Variants in PLCXD3 observed in about 807,000 individuals in gnomAD.
PLCXD3 encodes phosphatidylinositol specific phospholipase C X domain containing 3.
Under a neutral mutation model 25.5 loss-of-function variants are expected in PLCXD3, and 19 were observed. The ratio of observed to expected loss-of-function variants is 0.75; its 90% CI spans 0.52 to 1.09. PLCXD3 has a LOEUF of 1.09. PLCXD3 is among the 50% of genes least tolerant of loss of function. PLCXD3 has a pLI of 0.00. For synonymous variants in PLCXD3, 174 were observed against 137.6 expected, an observed-to-expected ratio of 1.26 and a Z score of -1.85; for missense variants, 411 against 388.1, an observed-to-expected ratio of 1.06 and a Z score of -0.50.
At chr5:41,392,206 C>T (rs942479937) in intron 1 of PLCXD3, among the ~76,000 whole-genome samples, 1 of 152,186 alleles carries the variant, frequency 6.6e-6, no homozygotes. Flanking sequence ...ATTGAGTGAA[C>T]ATAGCCAAGG....
chr5:41,333,489 G>C (rs1460467470), intron 2 of PLCXD3, among the ~76,000 whole-genome samples: 1 of 151,984 alleles, frequency 6.6e-6, no homozygotes, highest in East Asian at 1.9e-4. Flanking sequence ...AATGGTGAGG[G>C]GTTCAAAATA....
intron 1 of PLCXD3, among the ~76,000 whole-genome samples, chr5:41,391,793 A>G (rs1461417318): frequency 6.6e-6 from 1 of 152,126 alleles, no homozygotes; most frequent in Non-Finnish European, 1.5e-5. Context: ...GCATTTATGG[A>G]CATGCCCTGG....
intron 1 of PLCXD3, among the ~76,000 whole-genome samples, chr5:41,396,151 G>T (rs1172488743): frequency 1.3e-5 from 2 of 152,116 alleles, no homozygotes; most frequent in Admixed American, 6.6e-5. Context: ...AAATGGTTTG[G>T]CTGTGTCCCC....
chr5:41,403,416 T>TTTGTTTTTGTTTTTG (rs59150091), intron 1 of PLCXD3, among the ~76,000 whole-genome samples: 1 of 47,542 alleles, frequency 2.1e-5, no homozygotes, highest in Non-Finnish European at 4.8e-5. Flanking sequence ...TTTTTTTTTT[T>TTTGTTTTTGTTTTTG]ATTATACTCT....
chr5:41,364,732 C>G (rs968494045), intron 2 of PLCXD3, among the ~76,000 whole-genome samples: 1 of 152,158 alleles, frequency 6.6e-6, no homozygotes, highest in Non-Finnish European at 1.5e-5. Context: ...AAAGGCCAAC[C>G]ACACTTGTTA....
chr5:41,337,795 A>T (rs1045437772), intron 2 of PLCXD3, among the ~76,000 whole-genome samples: 1 of 152,128 alleles, frequency 6.6e-6, no homozygotes, highest in East Asian at 1.9e-4. Flanking sequence ...TGTTAATTCT[A>T]TAATTTCCTC....
chr5:41,411,861 CAT>C (rs1208708430), intron 1 of PLCXD3, among the ~76,000 whole-genome samples: 1 of 110,820 alleles, frequency 9.0e-6, no homozygotes, highest in Admixed American at 9.7e-5. Flanking sequence ...TATATGTATC[CAT>C]ATATATATCT....
chr5:41,320,447 G>A (rs1743432421), intron 2 of PLCXD3, among the ~76,000 whole-genome samples: 1 of 152,226 alleles, frequency 6.6e-6, no homozygotes, highest in South Asian at 2.1e-4. Context: ...ATTCATCCCT[G>A]GGATGCAAGG....
At chr5:41,372,730 G>A (rs1001262762) in intron 2 of PLCXD3, among the ~76,000 whole-genome samples, 2 of 151,848 alleles carry the variant, frequency 1.3e-5, no homozygotes, top group Non-Finnish European at 2.9e-5. Flanking sequence ...TGACCAAAAG[G>A]ACCCCAGAGA....
rs1743106530 is a variant in PLCXD3 at position 41,310,405 on chromosome 5, TG to T, written c.*3211del. 1 of 152,146 alleles carries T rather than the reference TG, an allele frequency of 6.6e-6. No individual in the cohort carries two copies. The allele number at this position is 152,146 out of a possible 1,614,324, so 9.4% of individuals were successfully genotyped here. The stretch of plus-strand genomic sequence containing the variant: ...TTTGTTTGGTTGTTTTGTTTTGTTT[TG>T]TTTTTTTGCCTCACAGGACTTGTGA... On this transcript the variant is annotated 3_prime_UTR_variant, in exon 3 of 3. Transcript: ENST00000377801.
At chr5:41,380,433 A>G (rs1745421215) in intron 2 of PLCXD3, among the ~76,000 whole-genome samples, 1 of 151,970 alleles carries the variant, frequency 6.6e-6, no homozygotes, top group Admixed American at 6.6e-5. Context: ...CATTCCATCA[A>G]TCCTCCAGGC....
intron 2 of PLCXD3, among the ~76,000 whole-genome samples, chr5:41,369,300 G>A (rs939537282): frequency 4.6e-5 from 7 of 152,102 alleles, no homozygotes; most frequent in African/African-American, 1.7e-4. Flanking sequence ...TATGCTGTCT[G>A]TTAACAGATT....
intron 2 of PLCXD3, among the ~76,000 whole-genome samples, chr5:41,348,184 C>T (rs1283023644): frequency 6.6e-6 from 1 of 152,134 alleles, no homozygotes; most frequent in Non-Finnish European, 1.5e-5. Flanking sequence ...AGTAGCTGCT[C>T]TGGATGCTAT....
At chr5:41,468,514 G>C (rs1280076628) in intron 1 of PLCXD3, among the ~76,000 whole-genome samples, 1 of 152,110 alleles carries the variant, frequency 6.6e-6, no homozygotes, top group Non-Finnish European at 1.5e-5. Context: ...GAACACAGGA[G>C]ATCTCTTCAT....
intron 1 of PLCXD3, among the ~76,000 whole-genome samples, chr5:41,459,199 T>A (rs556073259): frequency 1.1e-4 from 16 of 152,018 alleles, no homozygotes; most frequent in African/African-American, 3.6e-4. Context: ...GACAAACATA[T>A]TTTTAGACAT....
intron 2 of PLCXD3, among the ~76,000 whole-genome samples, chr5:41,358,478 T>C (rs67043243): frequency 0.16 from 24,608 of 152,082 alleles, 3,279 homozygotes; most frequent in East Asian, 0.36. Flanking sequence ...CCCCAAGTCC[T>C]CAAAGTCCAA....
chr5:41,383,028 G>A (rs908389095), intron 1 of PLCXD3, among the ~76,000 whole-genome samples: 26 of 152,102 alleles, frequency 1.7e-4, no homozygotes, highest in African/African-American at 5.8e-4. Flanking sequence ...CATTCACTTC[G>A]GAAGGCACAA....
intron 1 of PLCXD3, among the ~76,000 whole-genome samples, chr5:41,497,773 G>A (rs922661724): frequency 1.3e-5 from 2 of 151,716 alleles, no homozygotes; most frequent in African/African-American, 2.4e-5. Flanking sequence ...TTGATCACAC[G>A]ATAGGCCCCA....
At chr5:41,492,668 C>T (rs185760090) in intron 1 of PLCXD3, among the ~76,000 whole-genome samples, 9 of 152,290 alleles carry the variant, frequency 5.9e-5, no homozygotes, top group East Asian at 1.9e-4. Flanking sequence ...CTTCCCTTCT[C>T]GCTTCATTTC....
Sources: allele counts gnomAD v4.1 joint callset (sites outside exome capture counted in the v4.1 genomes callset), GRCh38; gene constraint gnomAD v4.1.1; transcripts MANE v1.5; gene names NCBI Gene and HGNC (gene_info 2026-07-23, HGNC 2026-07-21).